Variants in COPG1 observed in about 807,000 individuals in gnomAD.
COPG1 encodes coat protein complex I subunit gamma 1, also known as coatomer subunit gamma-1.
A neutral mutation model predicts 102.8 loss-of-function variants in COPG1; 29 were observed. The observed-to-expected ratio is 0.28, with a 90% CI of 0.21 to 0.38. COPG1 has a LOEUF of 0.38. COPG1 is among the 10% of genes least tolerant of loss of function. COPG1 has a pLI of 1.00. For missense variants in COPG1, 875 were observed against 1,132.7 expected (o/e 0.77, Z 3.27); for synonymous variants, 406 against 421.6 (o/e 0.96, Z 0.45).
chr3:129,270,401 A>T (rs1354721275), intron 18 of COPG1, among the ~76,000 whole-genome samples: 1 of 152,180 alleles, frequency 6.6e-6, no homozygotes, highest in Non-Finnish European at 1.5e-5. Context: ...TTGTCTTTAC[A>T]ACAACGCTGT....
In COPG1 at chr3:129,274,942, A is replaced by G. The variant is rs750587815; in HGVS notation, c.2361A>G (p.Glu787=). The change falls in exon 22 of 24, where the codon GAA becomes GAG. Residue 787 remains glutamate (E), a synonymous_variant. Coordinates refer to ENST00000314797, the MANE Select transcript of COPG1 (RefSeq NM_016128.4). ...TAGGGGATGAATTTGAGAAGGAGGA[A>G]ACGTTCACCTTGTCTACCATCAAGA... The part of the protein sequence containing the change: ...DEVGDEFEKE[E]TFTLSTIKTL... 2 of 1,614,136 alleles carry G rather than the reference A, an allele frequency of 1.2e-6. No homozygotes were observed. The highest frequency in any genetic ancestry group is 1.7e-6 in the Non-Finnish European group (2 of 1,180,004).
chr3:129,252,986 G>T, intron 5 of COPG1, 31 bp downstream of exon 5: 1 of 1,593,310 alleles, frequency 6.3e-7, no homozygotes, highest in South Asian at 1.1e-5. Context: ...TGGCTCTTCT[G>T]ATGGGTTCCA....
rs1199217959 is a variant in COPG1 at position 129,271,971 on chromosome 3, C to T, written c.1986+62C>T. ...GCCCAGGGAGTTGTCCCAGGTCTGG[C>T]AGGTCCTGTAGGGTCATGGGTCCCC... On this transcript the variant is annotated intron_variant, in intron 19 of 23. Coordinates refer to ENST00000314797, the MANE Select transcript of COPG1 (RefSeq NM_016128.4). The surrounding 1 kb of genome is among the most constrained non-coding windows in gnomAD (Gnocchi z 4.7). 4.4e-6 allele frequency: 7 copies of T among 1,576,240 alleles called. No individual in the cohort carries two copies. The highest frequency in any genetic ancestry group is 4.3e-6 in the Non-Finnish European group (5 of 1,158,332).
chr3:129,268,913 G>A lies in COPG1; in HGVS notation c.1775-19G>A, dbSNP rs950532933. On this transcript the variant is annotated intron_variant, in intron 17 of 23. Transcript: ENST00000314797. ...TGACTCCAGCTGTTGGTCATCACGTGTATAATTTGCTCCTGCAGAAAGTAC... is the reference window on the plus strand; with the variant it reads ...TGACTCCAGCTGTTGGTCATCACGTATATAATTTGCTCCTGCAGAAAGTAC... The A allele has an allele frequency of 1.2e-6, 2 of 1,612,280 alleles. No homozygotes were observed. The highest frequency in any genetic ancestry group is 1.1e-5 in the South Asian group (1 of 91,044).
At position 129,260,202 on chromosome 3, in the gene COPG1, C is replaced by G. The variant is rs182840234; in HGVS notation, c.872-131C>G. 2.9e-5 allele frequency: 23 copies of G among 797,284 alleles called. No individual in the cohort carries two copies. In the African/African-American group the frequency reaches 3.9e-4, roughly 14 times the overall value. The allele number at this position is 797,284 out of a possible 1,614,324, so 49.4% of individuals were successfully genotyped here. A position where few individuals can be genotyped will look rare whatever the true frequency, so the allele number is the denominator to read the frequency against. ...GCGCAGGGTGAGGGGAGCTCTGTGT[C>G]TTGGGTTGGGATGGGGGTGTCAGCA... On this transcript the variant is annotated intron_variant, in intron 10 of 23. Coordinates refer to ENST00000314797, the MANE Select transcript of COPG1 (RefSeq NM_016128.4).
intron 13 of COPG1, among the ~76,000 whole-genome samples, chr3:129,264,690 C>T (rs1471644003): frequency 1.3e-5 from 2 of 152,102 alleles, no homozygotes; most frequent in Admixed American, 6.6e-5. Context: ...TGCTGGGTTG[C>T]CCAGGCTGGT....
At chr3:129,276,796 A>G (rs1940278365) in intron 23 of COPG1, among the ~76,000 whole-genome samples, 1 of 151,314 alleles carries the variant, frequency 6.6e-6, no homozygotes, top group South Asian at 2.1e-4. Flanking sequence ...AGTTGAGGAT[A>G]CTGAAGTCCT....
At chr3:129,263,507 G>A (rs60690577) in intron 12 of COPG1, among the ~76,000 whole-genome samples, 17,097 of 152,104 alleles carry the variant, frequency 0.11, 2,676 homozygotes, top group African/African-American at 0.35. Flanking sequence ...GAAGAGAAGC[G>A]GCCAAGGACA....
chr3:129,255,835 G>A (rs1482873980), intron 7 of COPG1, among the ~76,000 whole-genome samples: 3 of 152,160 alleles, frequency 2.0e-5, no homozygotes, highest in Non-Finnish European at 4.4e-5. Flanking sequence ...CCTTCTCAGT[G>A]AAGACAGCCA....
chr3:129,276,792 G>A (rs1320832593), intron 23 of COPG1, among the ~76,000 whole-genome samples: 1 of 151,504 alleles, frequency 6.6e-6, no homozygotes, highest in South Asian at 2.1e-4. Flanking sequence ...TTGTAGTTGA[G>A]GATACTGAAG....
In COPG1 at chr3:129,271,214, C is replaced by T. The variant is rs1940175329; in HGVS notation, c.1844-553C>T. On this transcript the variant is annotated intron_variant, in intron 18 of 23. Coordinates refer to ENST00000314797, the MANE Select transcript of COPG1 (RefSeq NM_016128.4). The surrounding 1 kb of genome is among the most constrained non-coding windows in gnomAD (Gnocchi z 4.7). ...CTGTGCTTGAATCCAGTGCTTGAAC[C>T]TGGGCATAGGGTGTAGGGATAGGTC... Among the ~76,000 whole-genome samples the T allele has an allele frequency of 1.3e-5, 2 of 152,192 alleles. No homozygotes were observed. Among genetic ancestry groups the T allele is most frequent in the African/African-American group, 4.8e-5 (2 of 41,442 alleles).
rs4927907 is a variant in COPG1 at position 129,260,221 on chromosome 3, G to A, written c.872-112G>A. Reference sequence around the variant, plus strand: ...CTGTGTCTTGGGTTGGGATGGGGGTGTCAGCAGGGAAATGAGCTGAGCAGA... The same window carrying A: ...CTGTGTCTTGGGTTGGGATGGGGGTATCAGCAGGGAAATGAGCTGAGCAGA... On this transcript the variant is annotated intron_variant, in intron 10 of 23. Coordinates refer to ENST00000314797, the MANE Select transcript of COPG1 (RefSeq NM_016128.4). 0.02 allele frequency: 19,347 copies of A among 952,960 alleles called. 1,806 individuals carry two copies. The African/African-American group carries it at 0.24, about 12-fold the overall frequency. 59.0% of individuals were successfully genotyped at this position (952,960 alleles called of 1,614,324 possible).
At chr3:129,255,183 T>C (rs975501427) in intron 7 of COPG1, 106 bp downstream of exon 7, 108 of 744,780 alleles carry the variant, frequency 1.5e-4, no homozygotes, top group Non-Finnish European at 1.1e-4. Flanking sequence ...TTCTTTCTTT[T>C]TTTTTTTTTG....
chr3:129,261,687 C>A (rs1939929127), intron 12 of COPG1, among the ~76,000 whole-genome samples: 1 of 152,212 alleles, frequency 6.6e-6, no homozygotes, highest in Admixed American at 6.5e-5. Flanking sequence ...GTGACACTGG[C>A]ATGACCCATA....
chr3:129,256,259 C>T, intron 8 of COPG1, 105 bp downstream of exon 8: 1 of 892,878 alleles, frequency 1.1e-6, no homozygotes, highest in Non-Finnish European at 1.8e-6. Flanking sequence ...GACCCCTGGC[C>T]ATAGCAGGCT....
At position 129,272,881 on chromosome 3, in the gene COPG1, G is replaced by A. The variant is rs1036322372; in HGVS notation, c.2233G>A (p.Glu745Lys). The A allele has an allele frequency of 6.2e-7, 1 of 1,610,112 alleles. No homozygotes were observed. Among genetic ancestry groups the A allele is most frequent in the Non-Finnish European group, 8.5e-7 (1 of 1,176,490 alleles). Reference sequence around the variant, plus strand: ...TCCCACCACTGGGGAGACTGATGACGAAGGCTATGAGGATGAGTATGTGGT... The same window carrying A: ...TCCCACCACTGGGGAGACTGATGACAAAGGCTATGAGGATGAGTATGTGGT... ...CDPTTGETDD[E>K]GYEDEYVLED... Residue 745 changes from glutamate (E) to lysine (K), a missense_variant, in exon 21 of 24, where the codon GAA becomes AAA. Transcript: ENST00000314797.
At chr3:129,259,433 C>T (rs1939877811) in intron 10 of COPG1, among the ~76,000 whole-genome samples, 1 of 147,336 alleles carries the variant, frequency 6.8e-6, no homozygotes, top group South Asian at 2.1e-4. Flanking sequence ...TGCCCTCCAG[C>T]CTGGGCGACA....
intron 21 of COPG1, chr3:129,273,948 C>T: frequency 2.2e-6 from 1 of 447,914 alleles, no homozygotes; most frequent in Non-Finnish European, 4.5e-6. Flanking sequence ...TGGCTCAGGG[C>T]CATCTGAGTG....
At chr3:129,251,151 C>T (rs1042953546) in intron 2 of COPG1, among the ~76,000 whole-genome samples, 1 of 150,974 alleles carries the variant, frequency 6.6e-6, no homozygotes, top group Non-Finnish European at 1.5e-5. Context: ...TCTTGATCTC[C>T]TGACCTCGTG....
Sources: gnomAD v4.1 joint callset for allele counts (sites outside exome capture counted in the v4.1 genomes callset) on GRCh38, gnomAD v4.1.1 for gene constraint, Gnocchi (gnomAD v3.1) non-coding constraint, MANE v1.5 for transcripts, NCBI Gene and HGNC (gene_info 2026-07-23, HGNC 2026-07-21) for gene names.